PKHD1: variants seen among roughly 807,000 people sequenced by gnomAD.
The protein encoded by PKHD1 is PKHD1 ciliary IPT domain containing fibrocystin/polyductin.
Under a neutral mutation model 412.0 loss-of-function variants are expected in PKHD1, and 291 were observed. That is an observed-to-expected ratio of 0.71 (90% CI 0.64 to 0.78). The LOEUF (loss-of-function observed/expected upper bound fraction) is 0.78, where lower values mean the gene tolerates loss of function less well. Ranked by LOEUF, PKHD1 falls within the 30% of genes least tolerant of loss-of-function variation. The pLI is 0.00. For missense variants in PKHD1, 4,825 were observed against 4,950.7 expected (o/e 0.97, Z 0.76); for synonymous variants, 1,777 against 1,821.5 (o/e 0.98, Z 0.62).
At chr6:51,677,829 C>T (rs1403426544) in intron 60 of PKHD1, among the ~76,000 whole-genome samples, 1 of 152,074 alleles carries the variant, frequency 6.6e-6, no homozygotes, top group African/African-American at 2.4e-5. Context: ...ATAGACCCTT[C>T]TTCTGATTCA....
intron 63 of PKHD1, among the ~76,000 whole-genome samples, chr6:51,643,444 T>C (rs1464054613): frequency 6.6e-6 from 1 of 152,124 alleles, no homozygotes; most frequent in Non-Finnish European, 1.5e-5. Context: ...ACACAGGTGT[T>C]ACTTTCAACA....
intron 55 of PKHD1, among the ~76,000 whole-genome samples, chr6:51,771,616 C>CAAA (rs556888100): frequency 1.6e-5 from 2 of 127,618 alleles, no homozygotes; most frequent in Non-Finnish European, 1.7e-5. Flanking sequence ...GAGACTGTGT[C>CAAA]AAAAAAAAAA....
At chr6:51,849,057 C>A (rs1434016359) in intron 49 of PKHD1, among the ~76,000 whole-genome samples, 3 of 151,934 alleles carry the variant, frequency 2.0e-5, no homozygotes, top group African/African-American at 7.3e-5. Flanking sequence ...CCCCTCACCT[C>A]CTACCCCCAA....
chr6:51,658,475 C>T (rs1267446811), intron 61 of PKHD1, among the ~76,000 whole-genome samples: 1 of 152,102 alleles, frequency 6.6e-6, no homozygotes, highest in Non-Finnish European at 1.5e-5. Flanking sequence ...CCAAATTCCA[C>T]ATTCACTGGA....
At chr6:51,870,718 A>C in intron 46 of PKHD1, 79 bp from the exon 47 acceptor site, 2 of 1,158,482 alleles carry the variant, frequency 1.7e-6, no homozygotes, top group Admixed American at 1.9e-5. Context: ...TGCATGAATA[A>C]AAACAAAGAT....
At chr6:52,072,928 A>G (rs940427790) in intron 7 of PKHD1, among the ~76,000 whole-genome samples, 5 of 152,124 alleles carry the variant, frequency 3.3e-5, no homozygotes, top group African/African-American at 1.2e-4. Flanking sequence ...TCCAGTGTGG[A>G]TGATTTAATA....
chr6:51,921,682 T>C (rs544030492), intron 37 of PKHD1, among the ~76,000 whole-genome samples: 4 of 152,324 alleles, frequency 2.6e-5, no homozygotes, highest in African/African-American at 9.6e-5. Flanking sequence ...TCGTTTCATC[T>C]TCAATCACTG....
chr6:51,735,399 T>C (rs1783708227), intron 60 of PKHD1, among the ~76,000 whole-genome samples: 1 of 152,238 alleles, frequency 6.6e-6, no homozygotes, highest in Non-Finnish European at 1.5e-5. Context: ...ATAAACTATT[T>C]AGCATAATGC....
At chr6:51,852,179 A>C (rs1014403256) in intron 49 of PKHD1, among the ~76,000 whole-genome samples, 25 of 152,194 alleles carry the variant, frequency 1.6e-4, no homozygotes, top group Non-Finnish European at 2.9e-4. Context: ...ATTCAGGAGC[A>C]GATTGTTCAA....
chr6:51,692,881 A>T (rs1778347061), intron 60 of PKHD1, among the ~76,000 whole-genome samples: 1 of 152,136 alleles, frequency 6.6e-6, no homozygotes, highest in Non-Finnish European at 1.5e-5. Context: ...ATGTTATTAG[A>T]GGCCTTTATT....
At chr6:51,670,420 T>G (rs935425032) in intron 60 of PKHD1, among the ~76,000 whole-genome samples, 47 of 151,830 alleles carry the variant, frequency 3.1e-4, no homozygotes, top group African/African-American at 9.7e-4. Flanking sequence ...CTCCATCCTT[T>G]TATTTTGAGC....
At chr6:51,887,355 A>G in intron 43 of PKHD1, 110 bp from the exon 44 acceptor site, 2 of 748,064 alleles carry the variant, frequency 2.7e-6, no homozygotes, top group South Asian at 1.5e-5. Flanking sequence ...CTTTCTGCCA[A>G]AGTACATTAA....
At chr6:51,731,537 G>GT (rs1457517901) in intron 60 of PKHD1, among the ~76,000 whole-genome samples, 1 of 152,122 alleles carries the variant, frequency 6.6e-6, no homozygotes, top group Admixed American at 6.6e-5. Context: ...GACAAGCTTT[G>GT]TTTTTTAATT....
At chr6:51,783,932 T>G (rs1792448739) in intron 53 of PKHD1, among the ~76,000 whole-genome samples, 1 of 152,180 alleles carries the variant, frequency 6.6e-6, no homozygotes, top group African/African-American at 2.4e-5. Flanking sequence ...GATGTAGACA[T>G]TTAAGTGTAA....
At chr6:51,654,533 A>G (rs1314478812) in intron 61 of PKHD1, among the ~76,000 whole-genome samples, 2 of 152,098 alleles carry the variant, frequency 1.3e-5, no homozygotes, top group Non-Finnish European at 2.9e-5. Flanking sequence ...TTCTTAAATT[A>G]ATTGATTTTA....
intron 55 of PKHD1, among the ~76,000 whole-genome samples, chr6:51,768,610 T>C (rs1230149675): frequency 2.6e-5 from 4 of 151,956 alleles, no homozygotes; most frequent in Non-Finnish European, 4.4e-5. Context: ...GGATGAAATA[T>C]CCATTTTATA....
intron 52 of PKHD1, among the ~76,000 whole-genome samples, chr6:51,805,705 A>T (rs542501519): frequency 1.3e-5 from 2 of 152,138 alleles, no homozygotes; most frequent in Non-Finnish European, 2.9e-5. Flanking sequence ...TAAGCCACTA[A>T]GGGGAAATGA....
intron 66 of PKHD1, among the ~76,000 whole-genome samples, chr6:51,622,112 T>C (rs144405230): frequency 2.4e-4 from 37 of 152,300 alleles, no homozygotes; most frequent in African/African-American, 8.7e-4. Context: ...CTCTTCTCTA[T>C]GGAAAGGAGG....
chr6:51,928,402 G>C (rs1440566748), intron 37 of PKHD1, among the ~76,000 whole-genome samples: 1 of 152,146 alleles, frequency 6.6e-6, no homozygotes, highest in Non-Finnish European at 1.5e-5. Flanking sequence ...TGAAAGGTTT[G>C]CATCTACCAA....
Sources: gnomAD v4.1 joint callset for allele counts (sites outside exome capture counted in the v4.1 genomes callset) on GRCh38, gnomAD v4.1.1 for gene constraint, MANE v1.5 for transcripts, NCBI Gene and HGNC (gene_info 2026-07-23, HGNC 2026-07-21) for gene names.